The following ADIPOR2 variants were observed in gnomAD, a reference collection of about 807,000 sequenced individuals.
ADIPOR2 encodes the protein adiponectin receptor 2, also known as adiponectin receptor protein 2.
Under a neutral mutation model 40.9 loss-of-function variants are expected in ADIPOR2, and 18 were observed. The ratio of observed to expected loss-of-function variants is 0.44; its 90% CI spans 0.30 to 0.65. The LOEUF is 0.65. Ranked by LOEUF, ADIPOR2 falls within the 30% of genes least tolerant of loss-of-function variation. ADIPOR2 has a pLI of 0.09. For missense variants in ADIPOR2, 283 were observed against 479.2 expected (o/e 0.59, Z 3.82); for synonymous variants, 165 against 166.4 (o/e 0.99, Z 0.06).
intron 2 of ADIPOR2, among the ~76,000 whole-genome samples, chr12:1,771,234 G>A (rs899069196): frequency 6.6e-6 from 1 of 152,006 alleles, no homozygotes; most frequent in Non-Finnish European, 1.5e-5. Flanking sequence ...GCACAGTGGT[G>A]TACACCTGTA....
Position 1,772,988 on chromosome 12 carries a change from C to G in ADIPOR2, c.291+27C>G, listed in dbSNP as rs201703220. Reference sequence around the variant, plus strand: ...TAAGAGTGCAGTTTCTTGTCATTGTCATGCTATATATTTAGCCCTTCCAAA... The same window carrying G: ...TAAGAGTGCAGTTTCTTGTCATTGTGATGCTATATATTTAGCCCTTCCAAA... On this transcript the variant is annotated intron_variant, in intron 3 of 7. Transcript: ENST00000357103. 311 of 1,610,432 alleles carry G rather than the reference C, an allele frequency of 1.9e-4. 2 individuals carry two copies. In the African/African-American group the frequency reaches 3.5e-3, roughly 18 times the overall value.
At chr12:1,783,266 G>A (rs75871325) in intron 6 of ADIPOR2, among the ~76,000 whole-genome samples, 6,823 of 152,094 alleles carry the variant, frequency 0.045, 262 homozygotes, top group East Asian at 0.19. Context: ...ACCTGTGTCT[G>A]TAGAAGGACA....
chr12:1,763,503 T>C (rs1262712901), intron 2 of ADIPOR2, among the ~76,000 whole-genome samples: 1 of 152,240 alleles, frequency 6.6e-6, no homozygotes, highest in Admixed American at 6.5e-5. Flanking sequence ...AGATGTAGCA[T>C]ATCATTGGAG....
chr12:1,716,222 G>A (rs979687398), intron 1 of ADIPOR2, among the ~76,000 whole-genome samples: 2 of 152,124 alleles, frequency 1.3e-5, no homozygotes, highest in Non-Finnish European at 2.9e-5. Context: ...TGAATGTGGT[G>A]GTCTCTGAGA....
chr12:1,756,450 T>C (rs951424279), intron 2 of ADIPOR2, among the ~76,000 whole-genome samples: 1 of 131,232 alleles, frequency 7.6e-6, no homozygotes, highest in Non-Finnish European at 1.6e-5. Context: ...GTGCCTGGCC[T>C]TCTTTTTTTT....
chr12:1,703,571 C>T (rs2094655032), intron 1 of ADIPOR2, among the ~76,000 whole-genome samples: 1 of 151,776 alleles, frequency 6.6e-6, no homozygotes, highest in African/African-American at 2.4e-5. Flanking sequence ...CCTGTCTCTA[C>T]AAAAAACTTA....
chr12:1,764,409 GA>G (rs1862330817), intron 2 of ADIPOR2, among the ~76,000 whole-genome samples: 1 of 152,036 alleles, frequency 6.6e-6, no homozygotes. Context: ...AATTTTGAAG[GA>G]AATAGTTTGG....
At chr12:1,774,137 G>A (rs1327794605) in intron 3 of ADIPOR2, among the ~76,000 whole-genome samples, 2 of 152,164 alleles carry the variant, frequency 1.3e-5, no homozygotes, top group South Asian at 2.1e-4. Context: ...ATGCAAATTT[G>A]GTGTGAAGAA....
At position 1,699,182 on chromosome 12, in the gene ADIPOR2, G is replaced by A. The variant is rs540514904; in HGVS notation, c.-87+7991G>A. ...TTCTTGATAATCTACTGGCAGTTCC[G>A]GTATATAGCAGGTGGTAAGTAAATG... On this transcript the variant is annotated intron_variant, in intron 1 of 7. Transcript: ENST00000357103. 5.9e-5 allele frequency among the ~76,000 whole-genome samples: 9 copies of A among 152,194 alleles called. No homozygotes were observed. In the East Asian group the frequency reaches 1.7e-3, roughly 29 times the overall value.
rs1324160413 is a variant in ADIPOR2, at chr12:1,745,460, ATTTATAT to A, written c.-86-8797_-86-8791del. On this transcript the variant is annotated intron_variant, in intron 1 of 7. Coordinates refer to ENST00000357103, the MANE Select transcript of ADIPOR2 (RefSeq NM_024551.3). ...TGTTAGATTTGTATACGCTGAATGA[ATTTATAT>A]GTCTATGGTATTGGCTGTTGTTTGT... is the stretch of plus-strand genomic sequence containing the variant. Among the ~76,000 whole-genome samples, 5 of 152,172 alleles carry A rather than the reference ATTTATAT, an allele frequency of 3.3e-5. No individual in the cohort carries two copies. In the East Asian group the frequency reaches 9.6e-4, roughly 29 times the overall value.
At chr12:1,783,650 C>T (rs2240613) in intron 6 of ADIPOR2, among the ~76,000 whole-genome samples, 48,089 of 152,102 alleles carry the variant, frequency 0.32, 8,303 homozygotes, top group East Asian at 0.49. Flanking sequence ...TGAGCCACTG[C>T]ACCCGGCTGG....
chr12:1,706,989 A>T (rs1341353268), intron 1 of ADIPOR2, among the ~76,000 whole-genome samples: 2 of 152,214 alleles, frequency 1.3e-5, no homozygotes, highest in Non-Finnish European at 2.9e-5. Context: ...ACCCGGTCTC[A>T]AGAAAAAAAC....
intron 1 of ADIPOR2, among the ~76,000 whole-genome samples, chr12:1,712,168 T>C (rs533210519): frequency 6.6e-6 from 1 of 152,234 alleles, no homozygotes; most frequent in Admixed American, 6.5e-5. Flanking sequence ...CTAAGGGGAC[T>C]TCTAAGAGAT....
At chr12:1,753,948 G>A (rs1487978863) in intron 1 of ADIPOR2, among the ~76,000 whole-genome samples, 1 of 152,052 alleles carries the variant, frequency 6.6e-6, no homozygotes, top group African/African-American at 2.4e-5. Flanking sequence ...TCTTCCATAT[G>A]TTCTTCTGTA....
intron 3 of ADIPOR2, among the ~76,000 whole-genome samples, chr12:1,775,720 A>G (rs1053271663): frequency 1.3e-5 from 2 of 152,218 alleles, no homozygotes; most frequent in Non-Finnish European, 2.9e-5. Context: ...AATCTCAACA[A>G]TAGTGGTCTT....
At chr12:1,695,369 G>A (rs993806019) in intron 1 of ADIPOR2, among the ~76,000 whole-genome samples, 8 of 150,012 alleles carry the variant, frequency 5.3e-5, no homozygotes, top group Admixed American at 1.3e-4. Flanking sequence ...AAAAAAAAAA[G>A]TGGGCTGAGG....
At chr12:1,738,575 A>G (rs1315828900) in intron 1 of ADIPOR2, among the ~76,000 whole-genome samples, 1 of 152,206 alleles carries the variant, frequency 6.6e-6, no homozygotes, top group Non-Finnish European at 1.5e-5. Flanking sequence ...AAATAATAAA[A>G]TAAAGGTAAT....
chr12:1,750,896 CT>C (rs942846742), intron 1 of ADIPOR2, among the ~76,000 whole-genome samples: 12 of 151,780 alleles, frequency 7.9e-5, no homozygotes, highest in Non-Finnish European at 1.0e-4. Flanking sequence ...TACAGTTTAC[CT>C]TTTTTTCCCC....
At chr12:1,737,882 C>T (rs1028028387) in intron 1 of ADIPOR2, among the ~76,000 whole-genome samples, 2 of 152,064 alleles carry the variant, frequency 1.3e-5, no homozygotes, top group African/African-American at 2.4e-5. Flanking sequence ...CACTCCTGTT[C>T]CTTGCATATT....
Sources: allele counts gnomAD v4.1 joint callset (sites outside exome capture counted in the v4.1 genomes callset), GRCh38; gene constraint gnomAD v4.1.1; transcripts MANE v1.5; gene names NCBI Gene and HGNC (gene_info 2026-07-23, HGNC 2026-07-21).